Variants in PTPRD observed in about 807,000 individuals in gnomAD.
The protein encoded by PTPRD is receptor-type tyrosine-protein phosphatase delta.
Under a neutral mutation model 214.5 loss-of-function variants are expected in PTPRD, and 34 were observed. The observed-to-expected ratio is 0.16, with a 90% confidence interval of 0.12 to 0.21. The LOEUF (loss-of-function observed/expected upper bound fraction) is 0.21. Ranked by LOEUF, PTPRD falls within the 10% of genes least tolerant of loss-of-function variation. PTPRD has a pLI of 1.00. For missense variants in PTPRD, 2,545 were observed against 2,398.7 expected, an observed-to-expected ratio of 1.06 and a Z score of -1.27; for synonymous variants, 1,128 against 845.7, an observed-to-expected ratio of 1.33 and a Z score of -5.79.
chr9:10,115,789 G>C (rs954819962), intron 3 of PTPRD, among the ~76,000 whole-genome samples: 1 of 152,042 alleles, frequency 6.6e-6, no homozygotes, highest in Non-Finnish European at 1.5e-5. Context: ...ATTTGAATAA[G>C]TTACTTTTAT....
chr9:9,560,409 C>T (rs1477758548), intron 8 of PTPRD, among the ~76,000 whole-genome samples: 1 of 152,202 alleles, frequency 6.6e-6, no homozygotes, highest in Non-Finnish European at 1.5e-5. Context: ...GTTACAAATG[C>T]CTATCCGACT....
intron 11 of PTPRD, among the ~76,000 whole-genome samples, chr9:8,894,380 G>T (rs971848979): frequency 6.9e-6 from 1 of 144,918 alleles, no homozygotes; most frequent in African/African-American, 2.5e-5. Flanking sequence ...AAAAAAGTCT[G>T]CAACTGCATG....
chr9:9,528,975 G>C (rs1370806041), intron 8 of PTPRD, among the ~76,000 whole-genome samples: 1 of 139,628 alleles, frequency 7.2e-6, no homozygotes, highest in Non-Finnish European at 1.5e-5. Context: ...GTCTCACCCT[G>C]TTGCCCAGGC....
At chr9:9,146,037 ACT>A (rs1196453887) in intron 10 of PTPRD, among the ~76,000 whole-genome samples, 1 of 151,948 alleles carries the variant, frequency 6.6e-6, no homozygotes, top group Non-Finnish European at 1.5e-5. Context: ...CACTCAACAG[ACT>A]CTCCTTGTAA....
At chr9:8,835,685 C>T (rs2117102) in intron 11 of PTPRD, among the ~76,000 whole-genome samples, 1 of 152,006 alleles carries the variant, frequency 6.6e-6, no homozygotes, top group East Asian at 1.9e-4. Context: ...GTGTGTCACA[C>T]ATCCAGCTAA....
chr9:8,552,788 A>G (rs1475389155), intron 14 of PTPRD, among the ~76,000 whole-genome samples: 1 of 152,176 alleles, frequency 6.6e-6, no homozygotes, highest in Admixed American at 6.5e-5. Flanking sequence ...AGTTGGCTAT[A>G]TGACTTGCTT....
chr9:10,119,177 G>C (rs1172969394), intron 3 of PTPRD, among the ~76,000 whole-genome samples: 1 of 151,852 alleles, frequency 6.6e-6, no homozygotes, highest in Admixed American at 6.6e-5. Context: ...TATTCATTGA[G>C]GTGATTGGCA....
intron 7 of PTPRD, among the ~76,000 whole-genome samples, chr9:9,685,814 T>C (rs1275274879): frequency 6.6e-6 from 1 of 151,456 alleles, no homozygotes; most frequent in Non-Finnish European, 1.5e-5. Context: ...TATTTCTTTT[T>C]TAGTACTTAA....
At position 8,353,957 on chromosome 9, in the gene PTPRD, TATATATG is replaced by T. The variant is rs1264788223; in HGVS notation, c.4662-11986_4662-11980del. ...GTGTACATATATATATATATATATA[TATATATG>T]TTTTTTTTTTTTTGAGAAGGAGTCT... On this transcript the variant is annotated intron_variant, in intron 39 of 45. Transcript: ENST00000381196. Among the ~76,000 whole-genome samples the T allele has an allele frequency of 8.5e-5, 10 of 117,302 alleles. 1 individual carries two copies. The highest frequency in any genetic ancestry group is 3.4e-4 in the Admixed American group (4 of 11,862). The allele number at this position is 117,302 out of a possible 152,430, so 77.0% of individuals were successfully genotyped here.
intron 4 of PTPRD, among the ~76,000 whole-genome samples, chr9:9,982,932 G>C (rs2095593844): frequency 6.6e-6 from 1 of 151,888 alleles, no homozygotes; most frequent in Non-Finnish European, 1.5e-5. Flanking sequence ...TAGTTCTAAA[G>C]TTTTCTGTAT....
intron 5 of PTPRD, among the ~76,000 whole-genome samples, chr9:9,804,517 G>A (rs781346702): frequency 6.6e-6 from 1 of 152,198 alleles, no homozygotes; most frequent in Admixed American, 6.6e-5. Context: ...AACCAGAAAG[G>A]AACTTTTTAT....
intron 8 of PTPRD, among the ~76,000 whole-genome samples, chr9:9,485,545 C>T (rs1589619157): frequency 6.6e-6 from 1 of 152,016 alleles, no homozygotes; most frequent in Admixed American, 6.6e-5. Context: ...TTTTCCAATC[C>T]TTCAACTTCC....
intron 8 of PTPRD, among the ~76,000 whole-genome samples, chr9:9,557,553 T>C (rs1436252590): frequency 2.6e-5 from 4 of 152,138 alleles, no homozygotes; most frequent in Admixed American, 2.6e-4. Flanking sequence ...ATCCAACAGA[T>C]ATTAATTAAG....
chr9:9,699,316 C>T (rs986870859), intron 7 of PTPRD, among the ~76,000 whole-genome samples: 3 of 151,882 alleles, frequency 2.0e-5, no homozygotes, highest in Non-Finnish European at 4.4e-5. Context: ...ATTTCCTTTT[C>T]ATATTATGTC....
At position 9,760,509 on chromosome 9, in the gene PTPRD, C is replaced by A. The variant is rs563715656; in HGVS notation, c.-326+6301G>T. Among the ~76,000 whole-genome samples, 16 of 151,770 alleles carry A rather than the reference C, an allele frequency of 1.1e-4. No homozygotes were observed. In the South Asian group the frequency reaches 3.3e-3, roughly 32 times the overall value. ...TTTATTTCTATCCTTTATTGCTTCT[C>A]AGGACTTCGGACTTATATGTACAGC... On this transcript the variant is annotated intron_variant, in intron 6 of 45. Coordinates refer to ENST00000381196, the MANE Select transcript of PTPRD (RefSeq NM_002839.4).
chr9:9,091,177 G>C (rs1335088011), intron 10 of PTPRD: 1 of 1,540,690 alleles, frequency 6.5e-7, no homozygotes, highest in Admixed American at 1.7e-5. Flanking sequence ...AGTCCGCAAG[G>C]ACCGAACACC....
chr9:9,872,959 T>C (rs761699095), intron 5 of PTPRD, among the ~76,000 whole-genome samples: 1 of 152,038 alleles, frequency 6.6e-6, no homozygotes, highest in African/African-American at 2.4e-5. Flanking sequence ...GCCAAATAAC[T>C]CAACAATCAA....
rs192298670 is a variant in PTPRD, at chr9:10,279,011, T to C, written c.-545+61952A>G. On this transcript the variant is annotated intron_variant, in intron 3 of 45. Coordinates refer to ENST00000381196, the MANE Select transcript of PTPRD (RefSeq NM_002839.4). ...GGATGATCTCGATCTCCTGGCCTCGTGATCTGCCCGCCTTGGCCTCCCAAA... is the reference window on the plus strand; with the variant it reads ...GGATGATCTCGATCTCCTGGCCTCGCGATCTGCCCGCCTTGGCCTCCCAAA... Among the ~76,000 whole-genome samples, 429 of 152,244 alleles carry C rather than the reference T, an allele frequency of 2.8e-3. 5 individuals carry two copies. Among genetic ancestry groups the C allele is most frequent in the African/African-American group, 9.7e-3 (403 of 41,558 alleles).
intron 7 of PTPRD, among the ~76,000 whole-genome samples, chr9:9,663,915 T>C (rs1232368468): frequency 1.3e-5 from 2 of 151,490 alleles, no homozygotes; most frequent in African/African-American, 2.4e-5. Flanking sequence ...TGGATTTGAA[T>C]AGTTTTTAAG....
Sources: allele counts gnomAD v4.1 joint callset (sites outside exome capture counted in the v4.1 genomes callset), GRCh38; gene constraint gnomAD v4.1.1; transcripts MANE v1.5; gene names NCBI Gene and HGNC (gene_info 2026-07-23, HGNC 2026-07-21).